Variants in HDLBP observed in about 807,000 individuals in gnomAD.
HDLBP encodes the protein vigilin.
In HDLBP, 30 loss-of-function variants were observed where a neutral mutation model predicts 137.3. The ratio of observed to expected loss-of-function variants is 0.22; its 90% CI spans 0.16 to 0.30. HDLBP has a LOEUF of 0.30. Ranked by LOEUF, HDLBP falls within the 10% of genes least tolerant of loss-of-function variation. HDLBP has a pLI of 1.00. For synonymous variants in HDLBP, 606 were observed against 596.0 expected (o/e 1.02, Z -0.24); for missense variants, 1,119 against 1,667.3 (o/e 0.67, Z 5.73).
intron 1 of HDLBP, among the ~76,000 whole-genome samples, chr2:241,285,836 C>CT (rs1347640382): frequency 6.6e-6 from 1 of 151,858 alleles, no homozygotes; most frequent in Non-Finnish European, 1.5e-5. Context: ...TGAGACCAGC[C>CT]TGGGCAACAA....
chr2:241,230,416 TCAC>T lies in HDLBP; in HGVS notation c.3475-150_3475-148del, dbSNP rs531068537. 5.5e-4 allele frequency: 343 copies of T among 623,842 alleles called. No individual in the cohort carries two copies. The highest frequency in any genetic ancestry group is 1.7e-3 in the African/African-American group (91 of 54,740). 38.6% of individuals were successfully genotyped at this position (623,842 alleles called of 1,614,324 possible). A position where few individuals can be genotyped will look rare whatever the true frequency, so the allele number is the denominator to read the frequency against. On this transcript the variant is annotated intron_variant, in intron 25 of 27. Transcript: ENST00000310931. This position sits in a 1 kb window ranked among gnomAD's most constrained non-coding sequence, Gnocchi z 5.0. Reference sequence around the variant, plus strand: ...GTTGTTCTGAAGTCAGTCAGCCTCATCACCACACCAAGTTAGGTGTATCTCAGG... The same window carrying T: ...GTTGTTCTGAAGTCAGTCAGCCTCATCACACCAAGTTAGGTGTATCTCAGG...
chr2:241,255,710 A>G (rs1172871865), intron 7 of HDLBP, 130 bp from the exon 8 acceptor site: 2 of 701,972 alleles, frequency 2.8e-6, no homozygotes, highest in East Asian at 2.6e-5. Context: ...GAAGTGAACA[A>G]CAAGTGATCA....
Position 241,235,249 on chromosome 2 carries a change from T to C in HDLBP, c.3016A>G (p.Ile1006Val). The part of the protein sequence containing the change: ...RKMMDEFEVN[I>V]HVPAPELQSD... ...TGCAGCTCAGGTGCCGGGACATGTA[T>C]GTTCACCTACGTGAAGAGGGGGCTG... Residue 1006 changes from isoleucine (I) to valine (V), a missense_variant, in exon 23 of 28, where the codon ATA (isoleucine) becomes GTA (valine). Transcript: ENST00000310931. The C allele has an allele frequency of 6.2e-7, 1 of 1,614,104 alleles. No homozygotes were observed. Among genetic ancestry groups the C allele is most frequent in the Non-Finnish European group, 8.5e-7 (1 of 1,180,018 alleles).
At chr2:241,300,086 G>T (rs559886342) in intron 1 of HDLBP, among the ~76,000 whole-genome samples, 1 of 151,506 alleles carries the variant, frequency 6.6e-6, no homozygotes, top group African/African-American at 2.4e-5. Flanking sequence ...TCTGGTTCAC[G>T]TTCTTTCATG....
Position 241,255,399 on chromosome 2 carries a change from T to C in HDLBP, c.1055A>G (p.Gln352Arg). ...ILRGEPEKLGQALTEVYAKAN... is the reference protein window; with the variant it reads ...ILRGEPEKLGRALTEVYAKAN... Reference sequence around the variant, plus strand: ...CTTGGCATAGACTTCAGTCAACGCCTGACCTAACTTTTCAGGTTCGCCTCG... The same window carrying C: ...CTTGGCATAGACTTCAGTCAACGCCCGACCTAACTTTTCAGGTTCGCCTCG... The change falls in exon 8 of 28, where the codon CAG (glutamine) becomes CGG (arginine). Residue 352 changes from glutamine (Q) to arginine (R), a missense_variant. Physicochemically the swap from Gln to Arg is conservative, Grantham distance 43 (BLOSUM62 1). Transcript: ENST00000310931. 6.2e-7 allele frequency: 1 copy of C among 1,614,192 alleles called. No homozygotes were observed. The highest frequency in any genetic ancestry group is 8.5e-7 in the Non-Finnish European group (1 of 1,180,014).
Position 241,240,227 on chromosome 2 carries a change from T to G in HDLBP, c.2170-105A>C. The G allele has an allele frequency of 1.9e-6, 2 of 1,062,422 alleles. No individual in the cohort carries two copies. The highest frequency in any genetic ancestry group is 2.9e-6 in the Non-Finnish European group (2 of 684,040). 65.8% of individuals were successfully genotyped at this position (1,062,422 alleles called of 1,614,324 possible). On this transcript the variant is annotated intron_variant, in intron 17 of 27. Coordinates refer to ENST00000310931, the MANE Select transcript of HDLBP (RefSeq NM_005336.6). This position sits in a 1 kb window ranked among gnomAD's most constrained non-coding sequence, Gnocchi z 5.5. ...CAGCAAGCTCGGGCTCCCCTTACAT[T>G]GTCACCAGTGTCCTGATGTTGCACC...
chr2:241,264,429 G>T lies in HDLBP; in HGVS notation c.234+19C>A, dbSNP rs759916137. ...ATGTTACATGATAAAATTTTTAAAAGAAAGAATGGTGTTTCTACCTGAGTG... is the reference window on the plus strand; with the variant it reads ...ATGTTACATGATAAAATTTTTAAAATAAAGAATGGTGTTTCTACCTGAGTG... On this transcript the variant is annotated intron_variant, in intron 4 of 27. Coordinates refer to ENST00000310931, the MANE Select transcript of HDLBP (RefSeq NM_005336.6). 2.6e-6 allele frequency: 4 copies of T among 1,526,762 alleles called. No homozygotes were observed. Among genetic ancestry groups the T allele is most frequent in the Non-Finnish European group, 3.6e-6 (4 of 1,125,446 alleles). The allele number at this position is 1,526,762 out of a possible 1,614,324, so 94.6% of individuals were successfully genotyped here.
chr2:241,294,627 T>C (rs1268290588), intron 1 of HDLBP, among the ~76,000 whole-genome samples: 1 of 152,044 alleles, frequency 6.6e-6, no homozygotes, highest in Non-Finnish European at 1.5e-5. Context: ...GCCCAACTAA[T>C]TTTTTCTCCA....
chr2:241,296,193 AAGAGG>A (rs1390194887), intron 1 of HDLBP, among the ~76,000 whole-genome samples: 1 of 152,250 alleles, frequency 6.6e-6, no homozygotes, highest in Non-Finnish European at 1.5e-5. Flanking sequence ...CTGGCTAAGA[AAGAGG>A]CACTTGATGC....
At chr2:241,281,654 C>T (rs971232483) in intron 1 of HDLBP, among the ~76,000 whole-genome samples, 1 of 152,162 alleles carries the variant, frequency 6.6e-6, no homozygotes, top group African/African-American at 2.4e-5. Flanking sequence ...AGCCTTCACA[C>T]GTGGCTAGTT....
At chr2:241,294,961 G>A (rs912925096) in intron 1 of HDLBP, among the ~76,000 whole-genome samples, 2 of 152,054 alleles carry the variant, frequency 1.3e-5, no homozygotes, top group African/African-American at 2.4e-5. Context: ...AATTAGCCAG[G>A]CATGGTGGTG....
chr2:241,243,355 G>A (rs1286661890), intron 16 of HDLBP, among the ~76,000 whole-genome samples: 1 of 152,252 alleles, frequency 6.6e-6, no homozygotes, highest in Non-Finnish European at 1.5e-5. Context: ...TCCCCAGAAG[G>A]ATCACAGGAA....
chr2:241,254,229 AC>A (rs2072436325), intron 9 of HDLBP, among the ~76,000 whole-genome samples: 1 of 152,168 alleles, frequency 6.6e-6, no homozygotes, highest in African/African-American at 2.4e-5. Flanking sequence ...GCGCTACTGC[AC>A]CCCAGCCTGG....
At chr2:241,229,784 G>GCCCCCCCCC in intron 27 of HDLBP, 49 bp downstream of exon 27, 1 of 1,502,548 alleles carries the variant, frequency 6.7e-7, no homozygotes, top group East Asian at 2.4e-5. Flanking sequence ...AAGCCCGCCT[G>GCCCCCCCCC]CCCGCCCACC....
intron 5 of HDLBP, among the ~76,000 whole-genome samples, chr2:241,259,700 C>T (rs1370441931): frequency 6.6e-6 from 1 of 152,200 alleles, no homozygotes; most frequent in African/African-American, 2.4e-5. Flanking sequence ...GTCTCAAATT[C>T]CTGTGCTCAT....
chr2:241,252,843 A>G lies in HDLBP; in HGVS notation c.1372+114T>C, dbSNP rs1438550290. ...GGATGTAAAGTCTGTAACTCCCATT[A>G]CAGGCAGCAATGGGCCTGGACTGTC... is the stretch of plus-strand genomic sequence containing the variant. On this transcript the variant is annotated intron_variant, in intron 11 of 27. Coordinates refer to ENST00000310931, the MANE Select transcript of HDLBP (RefSeq NM_005336.6). The G allele has an allele frequency of 1.1e-5, 7 of 647,558 alleles. No individual in the cohort carries two copies. In the East Asian group the frequency reaches 1.8e-4, roughly 17 times the overall value. 40.1% of individuals were successfully genotyped at this position (647,558 alleles called of 1,614,324 possible).
chr2:241,281,323 C>T (rs1050595371), intron 1 of HDLBP, among the ~76,000 whole-genome samples: 4 of 151,942 alleles, frequency 2.6e-5, no homozygotes, highest in Admixed American at 2.6e-4. Flanking sequence ...CATTGCACTC[C>T]AGCCTGTGCA....
intron 3 of HDLBP, 65 bp from the exon 4 acceptor site, chr2:241,264,670 AG>A: frequency 1.3e-6 from 2 of 1,510,642 alleles, no homozygotes; most frequent in Non-Finnish European, 1.8e-6. Flanking sequence ...AACACTTTTA[AG>A]GGTTTTAGTG....
chr2:241,305,396 T>C (rs1305008865), intron 1 of HDLBP, among the ~76,000 whole-genome samples: 2 of 152,208 alleles, frequency 1.3e-5, no homozygotes, highest in East Asian at 3.9e-4. Context: ...GTGCTGGGAT[T>C]ACAGGCGTGA....
Sources: gnomAD v4.1 joint callset for allele counts (sites outside exome capture counted in the v4.1 genomes callset) on GRCh38, gnomAD v4.1.1 for gene constraint, Gnocchi (gnomAD v3.1) non-coding constraint, MANE v1.5 for transcripts, NCBI Gene and HGNC (gene_info 2026-07-23, HGNC 2026-07-21) for gene names.